The following GFOD1 variants were observed in gnomAD, a reference collection of about 807,000 sequenced individuals.
The protein encoded by GFOD1 is Gfo/Idh/MocA-like oxidoreductase domain containing 1.
In GFOD1, 9 loss-of-function variants were observed where a neutral mutation model predicts 25.4. That is an observed-to-expected ratio of 0.35 (90% CI 0.21 to 0.62). The LOEUF is 0.62. Ranked by LOEUF, GFOD1 falls within the 20% of genes least tolerant of loss-of-function variation. GFOD1 has a pLI of 0.72. For synonymous variants in GFOD1, 253 were observed against 245.6 expected (o/e 1.03, Z -0.28); for missense variants, 403 against 556.9 (o/e 0.72, Z 2.78).
intron 1 of GFOD1, among the ~76,000 whole-genome samples, chr6:13,460,267 A>G (rs2127575317): frequency 6.6e-6 from 1 of 152,366 alleles, no homozygotes; most frequent in Middle Eastern, 3.4e-3. Flanking sequence ...ATTCCTCAAG[A>G]ATCTAGAGCC....
At chr6:13,396,284 G>C (rs906940804) in intron 1 of GFOD1, among the ~76,000 whole-genome samples, 1 of 152,170 alleles carries the variant, frequency 6.6e-6, no homozygotes, top group African/African-American at 2.4e-5. Context: ...GAAAATGGAG[G>C]CTCTGAAATA....
chr6:13,380,361 A>C (rs1785340318), intron 1 of GFOD1, among the ~76,000 whole-genome samples: 1 of 152,228 alleles, frequency 6.6e-6, no homozygotes, highest in African/African-American at 2.4e-5. Context: ...TATTACTGAG[A>C]TGTAGTTACA....
chr6:13,396,027 G>A lies in GFOD1; in HGVS notation c.254-30365C>T, dbSNP rs985237279. On this transcript the variant is annotated intron_variant, in intron 1 of 1. Coordinates refer to ENST00000379287, the MANE Select transcript of GFOD1 (RefSeq NM_018988.4). ...CTGCCCTTTCCAAACTTGTAGCTCC[G>A]GGTTTTAGAATTTGGAGGCCTGGGG... Among the ~76,000 whole-genome samples, 12 of 152,180 alleles carry A rather than the reference G, an allele frequency of 7.9e-5. No individual in the cohort carries two copies. In the East Asian group the frequency reaches 1.2e-3, roughly 15 times the overall value.
chr6:13,433,278 C>A (rs531798694), intron 1 of GFOD1, among the ~76,000 whole-genome samples: 2 of 152,302 alleles, frequency 1.3e-5, no homozygotes, highest in Admixed American at 1.3e-4. Context: ...TGCCACCACG[C>A]CTGGCTAATT....
At chr6:13,476,459 C>A (rs1007419075) in intron 1 of GFOD1, among the ~76,000 whole-genome samples, 1 of 152,060 alleles carries the variant, frequency 6.6e-6, no homozygotes, top group Non-Finnish European at 1.5e-5. Context: ...GGATTGACTG[C>A]AAATTGGCAT....
At chr6:13,378,904 G>A (rs1785306502) in intron 1 of GFOD1, among the ~76,000 whole-genome samples, 1 of 152,074 alleles carries the variant, frequency 6.6e-6, no homozygotes, top group Admixed American at 6.6e-5. Flanking sequence ...AGATCCTCCT[G>A]CTTCAGCCAG....
intron 1 of GFOD1, among the ~76,000 whole-genome samples, chr6:13,378,981 A>G (rs779802644): frequency 6.6e-5 from 10 of 152,038 alleles, no homozygotes; most frequent in Non-Finnish European, 1.3e-4. Flanking sequence ...CAGAGGCAAT[A>G]AACCCCTCCT....
In GFOD1 at chr6:13,486,582, T is replaced by C. The variant is rs373410864; in HGVS notation, c.253+56A>G. On this transcript the variant is annotated intron_variant, in intron 1 of 1. Transcript: ENST00000379287. The stretch of plus-strand genomic sequence containing the variant: ...AGGGAAAGGCAGGGGGGAAGGAACC[T>C]AGAGAAGGTTAAAGGGCGGGGGTGG... 3.0e-4 allele frequency: 427 copies of C among 1,416,694 alleles called. 1 individual carries two copies. Among genetic ancestry groups the C allele is most frequent in the East Asian group, 1.4e-3 (62 of 43,120 alleles). The allele number at this position is 1,416,694 out of a possible 1,614,324, so 87.8% of individuals were successfully genotyped here. A position where few individuals can be genotyped will look rare whatever the true frequency, so the allele number is the denominator to read the frequency against.
At chr6:13,464,437 G>A (rs1361453882) in intron 1 of GFOD1, among the ~76,000 whole-genome samples, 1 of 152,162 alleles carries the variant, frequency 6.6e-6, no homozygotes, top group Non-Finnish European at 1.5e-5. Context: ...AATCATTCTT[G>A]CTCCCTAGGA....
intron 1 of GFOD1, among the ~76,000 whole-genome samples, chr6:13,386,850 C>T (rs185863034): frequency 1.3e-5 from 2 of 152,214 alleles, no homozygotes; most frequent in East Asian, 1.9e-4. Context: ...TGAGGAACAC[C>T]GGCCCTACAG....
At chr6:13,399,642 A>G (rs916086752) in intron 1 of GFOD1, among the ~76,000 whole-genome samples, 1 of 152,232 alleles carries the variant, frequency 6.6e-6, no homozygotes, top group Non-Finnish European at 1.5e-5. Context: ...GGATGCAGAC[A>G]TTCTATTTAT....
At chr6:13,375,912 A>T (rs955141599) in intron 1 of GFOD1, among the ~76,000 whole-genome samples, 12 of 152,192 alleles carry the variant, frequency 7.9e-5, no homozygotes, top group Non-Finnish European at 1.8e-4. Flanking sequence ...AATCCCATAC[A>T]TCTCCATCTC....
intron 1 of GFOD1, among the ~76,000 whole-genome samples, chr6:13,391,610 T>A (rs1271958018): frequency 6.6e-6 from 1 of 151,706 alleles, no homozygotes; most frequent in Non-Finnish European, 1.5e-5. Flanking sequence ...AACAACTCCA[T>A]TTTTTCTTTT....
chr6:13,403,115 T>C (rs889689896), intron 1 of GFOD1, among the ~76,000 whole-genome samples: 1 of 151,728 alleles, frequency 6.6e-6, no homozygotes, highest in Non-Finnish European at 1.5e-5. Context: ...TGTGGTTTTT[T>C]TTTTTTTTTT....
In GFOD1 at chr6:13,364,922, T is replaced by C. The variant is rs1419762760; in HGVS notation, c.994A>G (p.Thr332Ala). 6.2e-7 allele frequency: 1 copy of C among 1,612,500 alleles called. No homozygotes were observed. The highest frequency in any genetic ancestry group is 1.3e-5 in the African/African-American group (1 of 74,884). Residue 332 changes from threonine (T) to alanine (A), a missense_variant, in exon 2 of 2, where the codon ACC becomes GCC. Thr to Ala is a moderately conservative substitution (Grantham distance 58, BLOSUM62 0). Coordinates refer to ENST00000379287, the MANE Select transcript of GFOD1 (RefSeq NM_018988.4). This position sits in a 1 kb window ranked among gnomAD's most constrained non-coding sequence, Gnocchi z 4.1. ...DRRTWDGRPL[T>A]MAATFDDCLY... The stretch of plus-strand genomic sequence containing the variant: ...CAGTCGTCGAAGGTGGCGGCCATGG[T>C]GAGGGGCCGCCCATCCCACGTGCGC...
intron 1 of GFOD1, among the ~76,000 whole-genome samples, chr6:13,444,114 C>T (rs970246838): frequency 1.3e-5 from 2 of 152,106 alleles, no homozygotes; most frequent in Non-Finnish European, 1.5e-5. Flanking sequence ...GATCTAAATG[C>T]TCAACAATGG....
chr6:13,448,536 T>C (rs757132160), intron 1 of GFOD1, among the ~76,000 whole-genome samples: 13 of 152,200 alleles, frequency 8.5e-5, no homozygotes, highest in Non-Finnish European at 1.8e-4. Flanking sequence ...CCCTTCACTA[T>C]TTGTGCTCTT....
At chr6:13,455,469 C>A (rs915771865) in intron 1 of GFOD1, among the ~76,000 whole-genome samples, 2 of 152,096 alleles carry the variant, frequency 1.3e-5, no homozygotes, top group Admixed American at 6.5e-5. Flanking sequence ...ACCTGGGATG[C>A]GAACACAGGT....
intron 1 of GFOD1, among the ~76,000 whole-genome samples, chr6:13,411,226 ACCCGTGG>A (rs1217247410): frequency 6.6e-6 from 1 of 152,196 alleles, no homozygotes; most frequent in Non-Finnish European, 1.5e-5. Flanking sequence ...ACTGAATCCA[ACCCGTGG>A]CTCCAGGGCC....
Sources: gnomAD v4.1 joint callset for allele counts (sites outside exome capture counted in the v4.1 genomes callset) on GRCh38, gnomAD v4.1.1 for gene constraint, Gnocchi (gnomAD v3.1) non-coding constraint, MANE v1.5 for transcripts, NCBI Gene and HGNC (gene_info 2026-07-23, HGNC 2026-07-21) for gene names.